The following ROBO2 variants were observed in gnomAD, a reference collection of about 807,000 sequenced individuals.
The protein encoded by ROBO2 is roundabout guidance receptor 2.
In ROBO2, 53 loss-of-function variants were observed where a neutral mutation model predicts 160.8. The observed-to-expected ratio is 0.33, with a 90% CI of 0.26 to 0.41. The LOEUF is 0.41. Among genes scored for constraint, ROBO2 ranks in the 10% least tolerant of loss-of-function variants. ROBO2 has a pLI of 1.00. For synonymous variants in ROBO2, 664 were observed against 611.7 expected, an observed-to-expected ratio of 1.09 and a Z score of -1.26; for missense variants, 1,577 against 1,722.4, an observed-to-expected ratio of 0.92 and a Z score of 1.49.
At chr3:76,754,771 G>T (rs1384118626) in intron 2 of ROBO2, among the ~76,000 whole-genome samples, 1 of 151,870 alleles carries the variant, frequency 6.6e-6, no homozygotes, top group Admixed American at 6.6e-5. Flanking sequence ...TAATTAGGAA[G>T]TTTGGTACTT....
chr3:77,447,703 G>T (rs983653458), intron 2 of ROBO2, among the ~76,000 whole-genome samples: 7 of 152,106 alleles, frequency 4.6e-5, no homozygotes, highest in Non-Finnish European at 1.0e-4. Context: ...TAAATTCAGA[G>T]TAGGAAATCT....
intron 7 of ROBO2, among the ~76,000 whole-genome samples, chr3:77,549,459 T>C (rs2092831343): frequency 6.6e-6 from 1 of 152,026 alleles, no homozygotes; most frequent in Admixed American, 6.6e-5. Flanking sequence ...CATGAAAATG[T>C]CTAGCCTTAT....
chr3:76,745,839 T>A (rs1178252899), intron 2 of ROBO2, among the ~76,000 whole-genome samples: 10 of 145,180 alleles, frequency 6.9e-5, no homozygotes, highest in African/African-American at 2.6e-4. Context: ...TTATTTATTT[T>A]ATTATTATTA....
chr3:77,385,211 G>T (rs1296000013), intron 2 of ROBO2, among the ~76,000 whole-genome samples: 3 of 152,054 alleles, frequency 2.0e-5, no homozygotes, highest in African/African-American at 4.8e-5. Flanking sequence ...TTATATTTTT[G>T]GTAGAGAGGA....
intron 2 of ROBO2, among the ~76,000 whole-genome samples, chr3:75,967,913 G>A (rs1206857531): frequency 1.3e-5 from 2 of 151,424 alleles, no homozygotes; most frequent in African/African-American, 4.8e-5. Flanking sequence ...AGTATCTTCA[G>A]TGTCCAGAAG....
At position 77,069,810 on chromosome 3, in the gene ROBO2, T is replaced by C. The variant is rs188098549; in HGVS notation, c.62-28204T>C. On this transcript the variant is annotated intron_variant, in intron 1 of 25. Coordinates refer to ENST00000461745, the Ensembl canonical transcript of ROBO2. Reference sequence around the variant, plus strand: ...ACAATATGCAAGCAAGAAATCAAGGTGTTGGTAGGGCCACACTTTCTCTGA... The same window carrying C: ...ACAATATGCAAGCAAGAAATCAAGGCGTTGGTAGGGCCACACTTTCTCTGA... 1.1e-3 allele frequency among the ~76,000 whole-genome samples: 164 copies of C among 152,192 alleles called. 1 individual carries two copies. The highest frequency in any genetic ancestry group is 3.4e-3 in the Middle Eastern group (1 of 294).
At chr3:76,759,184 T>C (rs1305687426) in intron 2 of ROBO2, among the ~76,000 whole-genome samples, 3 of 151,814 alleles carry the variant, frequency 2.0e-5, no homozygotes, top group African/African-American at 4.8e-5. Context: ...ATAGATAGGC[T>C]GAGTGCTAAG....
At chr3:77,260,940 C>T (rs918044830) in intron 2 of ROBO2, among the ~76,000 whole-genome samples, 12 of 152,034 alleles carry the variant, frequency 7.9e-5, no homozygotes, top group Non-Finnish European at 1.3e-4. Flanking sequence ...AAGGAAACTG[C>T]GTTTGTGTGA....
At chr3:76,970,279 G>A (rs556554874) in intron 2 of ROBO2, among the ~76,000 whole-genome samples, 92 of 152,104 alleles carry the variant, frequency 6.0e-4, no homozygotes, top group African/African-American at 2.0e-3. Flanking sequence ...CTTTACTTTC[G>A]GGAAAGGAGA....
At chr3:76,768,359 C>A (rs1272417297) in intron 2 of ROBO2, among the ~76,000 whole-genome samples, 2 of 151,396 alleles carry the variant, frequency 1.3e-5, no homozygotes, top group African/African-American at 4.8e-5. Context: ...TCCTTCCATC[C>A]TGTTACTGAC....
intron 2 of ROBO2, among the ~76,000 whole-genome samples, chr3:76,145,764 A>C (rs2071862317): frequency 6.6e-6 from 1 of 152,096 alleles, no homozygotes. Context: ...GTATTCAAAC[A>C]ATTTTAGTTT....
chr3:76,136,082 G>A (rs775849574), intron 2 of ROBO2, among the ~76,000 whole-genome samples: 3 of 152,080 alleles, frequency 2.0e-5, no homozygotes, highest in Non-Finnish European at 4.4e-5. Context: ...GTCATCTGAC[G>A]TCGTAGACAG....
chr3:76,889,444 G>A (rs542352931), intron 2 of ROBO2, among the ~76,000 whole-genome samples: 1 of 152,158 alleles, frequency 6.6e-6, no homozygotes, highest in Admixed American at 6.5e-5. Flanking sequence ...GGAAGTAAGG[G>A]AAATAAAATG....
At chr3:76,778,138 C>T (rs1025891361) in intron 2 of ROBO2, among the ~76,000 whole-genome samples, 1 of 151,044 alleles carries the variant, frequency 6.6e-6, no homozygotes, top group Non-Finnish European at 1.5e-5. Flanking sequence ...GTGAGCCTCC[C>T]CTGCTTCATT....
chr3:76,253,818 A>C (rs1706189835), intron 2 of ROBO2, among the ~76,000 whole-genome samples: 1 of 151,920 alleles, frequency 6.6e-6, no homozygotes, highest in African/African-American at 2.4e-5. Flanking sequence ...GTGAAAGACT[A>C]CAAATTCATG....
Position 76,042,110 on chromosome 3 carries a change from T to C in ROBO2, c.109+104508T>C, listed in dbSNP as rs1160481132. Among the ~76,000 whole-genome samples, 5 of 151,770 alleles carry C rather than the reference T, an allele frequency of 3.3e-5. 1 individual carries two copies. Among genetic ancestry groups the C allele is most frequent in the African/African-American group, 4.9e-5 (2 of 41,214 alleles). ...AATTAAATTTCATCCAAACTTTAAA[T>C]ATGGTCATTCTGCATCTTTGAGAAA... On this transcript the variant is annotated intron_variant, in intron 2 of 26. Coordinates refer to the ROBO2 transcript ENST00000487694.
intron 2 of ROBO2, among the ~76,000 whole-genome samples, chr3:76,053,782 T>C (rs2067737173): frequency 6.6e-6 from 1 of 152,108 alleles, no homozygotes; most frequent in Non-Finnish European, 1.5e-5. Flanking sequence ...AAGAGGCAGA[T>C]TGAAATCCTG....
At chr3:77,555,442 C>T (rs1172435429) in intron 8 of ROBO2, among the ~76,000 whole-genome samples, 1 of 151,932 alleles carries the variant, frequency 6.6e-6, no homozygotes, top group Non-Finnish European at 1.5e-5. Flanking sequence ...GCTAATGATG[C>T]TGAATAGTGC....
intron 2 of ROBO2, among the ~76,000 whole-genome samples, chr3:77,447,563 C>T (rs1180064062): frequency 1.3e-5 from 2 of 152,088 alleles, no homozygotes; most frequent in South Asian, 2.1e-4. Flanking sequence ...GTTCACAAGA[C>T]GGACCACCAA....
Sources: allele counts gnomAD v4.1 joint callset (sites outside exome capture counted in the v4.1 genomes callset), GRCh38; gene constraint gnomAD v4.1.1; transcripts MANE v1.5; gene names NCBI Gene and HGNC (gene_info 2026-07-23, HGNC 2026-07-21).